The following SEMA3A variants were observed in gnomAD, a reference collection of about 807,000 sequenced individuals.
The protein encoded by SEMA3A is semaphorin 3A.
SEMA3A carries 29 observed loss-of-function variants against 97.9 expected under a neutral mutation model. That is an observed-to-expected ratio of 0.30 (90% CI 0.22 to 0.40). The LOEUF is 0.40. SEMA3A is among the 10% of genes least tolerant of loss of function. SEMA3A has a pLI of 1.00. For missense variants in SEMA3A, 763 were observed against 951.3 expected (o/e 0.80, Z 2.60); for synonymous variants, 321 against 323.7 (o/e 0.99, Z 0.09).
intron 1 of SEMA3A, among the ~76,000 whole-genome samples, chr7:84,482,600 A>G (rs1394187116): frequency 6.6e-6 from 1 of 152,176 alleles, no homozygotes; most frequent in Admixed American, 6.5e-5. Flanking sequence ...TTTGTCCATT[A>G]CACTGCCTCC....
chr7:84,260,730 G>T (rs572033350), intron 3 of SEMA3A, among the ~76,000 whole-genome samples: 7 of 152,318 alleles, frequency 4.6e-5, no homozygotes, highest in African/African-American at 9.6e-5. Context: ...GAGGCCAAGG[G>T]GGGGACTGAG....
intron 6 of SEMA3A, among the ~76,000 whole-genome samples, chr7:84,027,646 TA>T (rs1489770390): frequency 2.6e-5 from 4 of 152,182 alleles, no homozygotes; most frequent in African/African-American, 9.7e-5. Context: ...CAGACACTAT[TA>T]TATATACTTA....
chr7:84,069,883 A>G (rs1332923976), intron 4 of SEMA3A, among the ~76,000 whole-genome samples: 1 of 152,136 alleles, frequency 6.6e-6, no homozygotes, highest in Admixed American at 6.6e-5. Context: ...AAGGTATTGA[A>G]TTATCATGAA....
intron 1 of SEMA3A, among the ~76,000 whole-genome samples, chr7:84,184,921 G>A (rs889572060): frequency 6.6e-6 from 1 of 152,056 alleles, no homozygotes; most frequent in African/African-American, 2.4e-5. Flanking sequence ...ACAATGGAAC[G>A]TGCCCTGGGA....
At chr7:84,022,552 T>A (rs1438178124) in intron 6 of SEMA3A, among the ~76,000 whole-genome samples, 1 of 152,232 alleles carries the variant, frequency 6.6e-6, no homozygotes, top group East Asian at 1.9e-4. Flanking sequence ...CGTGAAAATG[T>A]TATCTACTCT....
intron 3 of SEMA3A, among the ~76,000 whole-genome samples, chr7:84,234,950 T>C (rs1799198655): frequency 6.6e-6 from 1 of 152,096 alleles, no homozygotes; most frequent in Non-Finnish European, 1.5e-5. Context: ...TATCAGTTAA[T>C]ATCCCCATGC....
intron 2 of SEMA3A, among the ~76,000 whole-genome samples, chr7:84,312,919 TATAC>T (rs1471569640): frequency 7.8e-3 from 242 of 31,000 alleles, no homozygotes; most frequent in South Asian, 0.013. Flanking sequence ...TATATATATA[TATAC>T]ACACACACAC....
chr7:84,194,373 A>C (rs1798147252), intron 1 of SEMA3A, 102 bp downstream of exon 1: 2 of 745,552 alleles, frequency 2.7e-6, no homozygotes, highest in African/African-American at 3.5e-5. Context: ...TTACCAGGTT[A>C]AACTAAAGGT....
At chr7:84,334,854 G>T (rs1801998850) in intron 2 of SEMA3A, among the ~76,000 whole-genome samples, 1 of 122,966 alleles carries the variant, frequency 8.1e-6, no homozygotes, top group Non-Finnish European at 1.6e-5. Flanking sequence ...CTCTTCCCCT[G>T]GCCCTGCCTC....
intron 3 of SEMA3A, among the ~76,000 whole-genome samples, chr7:84,305,029 T>A (rs1031874705): frequency 3.3e-5 from 5 of 151,780 alleles, no homozygotes; most frequent in Non-Finnish European, 5.9e-5. Flanking sequence ...GAGGGAAGAG[T>A]CAACAATGGC....
intron 1 of SEMA3A, among the ~76,000 whole-genome samples, chr7:84,388,529 G>C (rs933414107): frequency 2.6e-5 from 4 of 151,660 alleles, no homozygotes; most frequent in Non-Finnish European, 4.4e-5. Flanking sequence ...CTCTTGACTT[G>C]CATATACTTT....
At chr7:84,066,301 C>G (rs1399516458) in intron 4 of SEMA3A, among the ~76,000 whole-genome samples, 13 of 152,000 alleles carry the variant, frequency 8.6e-5, no homozygotes, top group Admixed American at 8.5e-4. Flanking sequence ...ATGACAAACC[C>G]ACATCCAATA....
chr7:84,157,676 A>G (rs954838653), intron 1 of SEMA3A, among the ~76,000 whole-genome samples: 6 of 152,172 alleles, frequency 3.9e-5, no homozygotes, highest in African/African-American at 1.4e-4. Context: ...TAATTATCCA[A>G]ATTTGGAAAG....
At chr7:84,422,052 C>G (rs1228963) in intron 1 of SEMA3A, among the ~76,000 whole-genome samples, 1 of 151,932 alleles carries the variant, frequency 6.6e-6, no homozygotes, top group Non-Finnish European at 1.5e-5. Context: ...AGAGAGGAAT[C>G]TTTCTTTTTT....
At chr7:84,233,252 T>A (rs1799156801) in intron 3 of SEMA3A, among the ~76,000 whole-genome samples, 1 of 151,996 alleles carries the variant, frequency 6.6e-6, no homozygotes, top group African/African-American at 2.4e-5. Context: ...AAATTTATGT[T>A]CTGTTGAATG....
chr7:84,288,235 C>T (rs1800642656), intron 3 of SEMA3A, among the ~76,000 whole-genome samples: 1 of 152,028 alleles, frequency 6.6e-6, no homozygotes, highest in Non-Finnish European at 1.5e-5. Flanking sequence ...ACAGGTGTGG[C>T]CCACCATGCC....
intron 2 of SEMA3A, among the ~76,000 whole-genome samples, chr7:84,311,660 A>G (rs1801323650): frequency 6.6e-6 from 1 of 151,984 alleles, no homozygotes; most frequent in South Asian, 2.1e-4. Flanking sequence ...AGCAACCAGA[A>G]AAATATTTAA....
intron 3 of SEMA3A, among the ~76,000 whole-genome samples, chr7:84,227,936 G>C (rs573883395): frequency 6.6e-6 from 1 of 151,776 alleles, no homozygotes; most frequent in East Asian, 1.9e-4. Flanking sequence ...GGAGTGGGGG[G>C]CGGGGGCAGG....
intron 1 of SEMA3A, among the ~76,000 whole-genome samples, chr7:84,185,861 A>C (rs1397727206): frequency 6.6e-6 from 1 of 152,118 alleles, no homozygotes; most frequent in African/African-American, 2.4e-5. Context: ...TTTGGTAAGA[A>C]ATAACCCTGC....
Sources: allele counts gnomAD v4.1 joint callset (sites outside exome capture counted in the v4.1 genomes callset), GRCh38; gene constraint gnomAD v4.1.1; transcripts MANE v1.5; gene names NCBI Gene and HGNC (gene_info 2026-07-23, HGNC 2026-07-21).